Variants in NRXN3 observed in about 807,000 individuals in gnomAD.
The protein encoded by NRXN3 is neurexin III.
In NRXN3, 32 loss-of-function variants were observed where a neutral mutation model predicts 137.6. That is an observed-to-expected ratio of 0.23 (90% CI 0.18 to 0.31). The LOEUF is 0.31. NRXN3 is among the 10% of genes least tolerant of loss of function. The pLI, the probability that NRXN3 is intolerant of heterozygous loss-of-function variation, is 1.00. For missense variants in NRXN3, 1,574 were observed against 2,062.5 expected, an observed-to-expected ratio of 0.76 and a Z score of 4.59; for synonymous variants, 798 against 784.5, an observed-to-expected ratio of 1.02 and a Z score of -0.29.
At chr14:78,458,987 G>A (rs1206335201) in intron 4 of NRXN3, among the ~76,000 whole-genome samples, 1 of 152,188 alleles carries the variant, frequency 6.6e-6, no homozygotes, top group African/African-American at 2.4e-5. Flanking sequence ...TGGGCACTTG[G>A]AAGATGTCCC....
chr14:78,233,030 G>A (rs1352477253), intron 1 of NRXN3, among the ~76,000 whole-genome samples: 2 of 152,238 alleles, frequency 1.3e-5, no homozygotes, highest in African/African-American at 2.4e-5. Context: ...AGAGAACTCA[G>A]GGTGCAACAA....
At chr14:79,236,491 A>G (rs569287492) in intron 15 of NRXN3, among the ~76,000 whole-genome samples, 37 of 152,262 alleles carry the variant, frequency 2.4e-4, no homozygotes, top group African/African-American at 8.4e-4. Flanking sequence ...AGTATATGAG[A>G]GCTCTTCTTT....
intron 4 of NRXN3, among the ~76,000 whole-genome samples, chr14:78,599,658 T>A (rs1239719753): frequency 1.3e-5 from 2 of 152,190 alleles, no homozygotes; most frequent in Non-Finnish European, 2.9e-5. Context: ...GTCCTGCAGA[T>A]TTTTTGTCCC....
intron 10 of NRXN3, among the ~76,000 whole-genome samples, chr14:78,954,878 T>A (rs978284358): frequency 6.6e-6 from 1 of 151,388 alleles, no homozygotes; most frequent in Non-Finnish European, 1.5e-5. Flanking sequence ...CCACTGTGAA[T>A]ATCTCAAGGA....
intron 19 of NRXN3, among the ~76,000 whole-genome samples, chr14:79,701,643 G>A (rs1467337631): frequency 2.0e-5 from 3 of 152,052 alleles, no homozygotes; most frequent in African/African-American, 7.2e-5. Flanking sequence ...TATATAGCCT[G>A]GGCTGGGTAA....
intron 19 of NRXN3, among the ~76,000 whole-genome samples, chr14:79,754,440 C>A (rs2099010437): frequency 6.8e-6 from 1 of 146,676 alleles, no homozygotes; most frequent in Non-Finnish European, 1.5e-5. Context: ...TTTGTATCCA[C>A]AGGGGTCCTG....
chr14:79,765,970 C>G (rs2099054690), intron 19 of NRXN3, among the ~76,000 whole-genome samples: 1 of 152,072 alleles, frequency 6.6e-6, no homozygotes, highest in Admixed American at 6.6e-5. Context: ...AAAGATGTTT[C>G]CAGTATAAAG....
chr14:78,944,260 T>C lies in NRXN3; in HGVS notation c.2276-12982T>C, dbSNP rs181124272. ...GAACCACAGGCACCAGTTTACAGTG[T>C]AGAGAGCACTGGACTGGGAGTCAGA... On this transcript the variant is annotated intron_variant, in intron 10 of 20. Transcript: ENST00000335750. Among the ~76,000 whole-genome samples, 41 of 152,274 alleles carry C rather than the reference T, an allele frequency of 2.7e-4. No individual in the cohort carries two copies. In the East Asian group the frequency reaches 7.1e-3, roughly 27 times the overall value.
chr14:78,749,840 C>T (rs904019037), intron 8 of NRXN3, among the ~76,000 whole-genome samples: 2 of 152,150 alleles, frequency 1.3e-5, no homozygotes, highest in East Asian at 1.9e-4. Flanking sequence ...GCACACAGGT[C>T]CTGCATGTTC....
chr14:78,778,810 T>TTCTTTCTTTCTTTCTC (rs2098757693), intron 8 of NRXN3, among the ~76,000 whole-genome samples: 2 of 144,084 alleles, frequency 1.4e-5, no homozygotes, highest in African/African-American at 5.2e-5. Context: ...CTTTCTTTCT[T>TTCTTTCTTTCTTTCTC]TCTTTCTTTC....
intron 1 of NRXN3, among the ~76,000 whole-genome samples, chr14:78,185,959 A>G (rs1193940560): frequency 6.6e-6 from 1 of 152,132 alleles, no homozygotes. Flanking sequence ...GGAGCATGGT[A>G]TGTATTGGTG....
At chr14:79,727,820 T>C (rs1271352653) in intron 19 of NRXN3, among the ~76,000 whole-genome samples, 1 of 152,166 alleles carries the variant, frequency 6.6e-6, no homozygotes, top group African/African-American at 2.4e-5. Flanking sequence ...AATCCTGGAC[T>C]TTTTTCCCCT....
intron 2 of NRXN3, among the ~76,000 whole-genome samples, chr14:78,248,382 C>T (rs2068064189): frequency 1.4e-5 from 2 of 145,796 alleles, no homozygotes; most frequent in East Asian, 4.3e-4. Context: ...TGGCTCAACA[C>T]CACTGTGTGG....
intron 4 of NRXN3, among the ~76,000 whole-genome samples, chr14:78,566,108 T>G (rs1189434328): frequency 6.6e-6 from 1 of 152,180 alleles, no homozygotes; most frequent in Non-Finnish European, 1.5e-5. Context: ...CTGATCATAC[T>G]TGTCCTGAGA....
At chr14:79,774,796 A>G (rs965429115) in intron 19 of NRXN3, among the ~76,000 whole-genome samples, 2 of 152,146 alleles carry the variant, frequency 1.3e-5, no homozygotes, top group Non-Finnish European at 2.9e-5. Flanking sequence ...CTGAAATTTT[A>G]CTAGATAATC....
At position 78,474,930 on chromosome 14, in the gene NRXN3, T is replaced by A. The variant is rs76533484; in HGVS notation, c.758-170190T>A. ...CCTGGAGAGTGTTTAAAAGTACAGA[T>A]CTTTAGGTCTGCCTCTGGGATTCTG... On this transcript the variant is annotated intron_variant, in intron 4 of 20. Coordinates refer to ENST00000335750, the MANE Select transcript of NRXN3 (RefSeq NM_001330195.2). Among the ~76,000 whole-genome samples, 4 of 152,282 alleles carry A rather than the reference T, an allele frequency of 2.6e-5. No individual in the cohort carries two copies. The East Asian group carries it at 7.7e-4, about 29-fold the overall frequency.
intron 1 of NRXN3, among the ~76,000 whole-genome samples, chr14:78,219,564 A>G (rs2063625378): frequency 6.6e-6 from 1 of 152,254 alleles, no homozygotes; most frequent in Admixed American, 6.5e-5. Context: ...CAAGTTACTT[A>G]GACTCGACGT....
At chr14:79,539,741 A>G (rs2097254121) in intron 16 of NRXN3, among the ~76,000 whole-genome samples, 1 of 152,076 alleles carries the variant, frequency 6.6e-6, no homozygotes, top group Non-Finnish European at 1.5e-5. Flanking sequence ...TCTGGCAAAA[A>G]TAAATAAATA....
intron 11 of NRXN3, among the ~76,000 whole-genome samples, chr14:78,965,325 C>T (rs2099415353): frequency 6.6e-6 from 1 of 152,154 alleles, no homozygotes; most frequent in African/African-American, 2.4e-5. Flanking sequence ...CTCTGAGGGC[C>T]TAAGCCCCCC....
Sources: gnomAD v4.1 joint callset for allele counts (sites outside exome capture counted in the v4.1 genomes callset) on GRCh38, gnomAD v4.1.1 for gene constraint, MANE v1.5 for transcripts, NCBI Gene and HGNC (gene_info 2026-07-23, HGNC 2026-07-21) for gene names.